The following HMBOX1 variants were observed in gnomAD, a reference collection of about 807,000 sequenced individuals.
HMBOX1 encodes homeobox-containing protein 1.
A neutral mutation model predicts 54.5 loss-of-function variants in HMBOX1; 14 were observed. That is an observed-to-expected ratio of 0.26 (90% CI 0.17 to 0.40). The LOEUF (loss-of-function observed/expected upper bound fraction) is 0.40. Among genes scored for constraint, HMBOX1 ranks in the 10% least tolerant of loss-of-function variants. The pLI, the probability that HMBOX1 is intolerant of heterozygous loss-of-function variation, is 1.00. For synonymous variants in HMBOX1, 160 were observed against 181.0 expected, an observed-to-expected ratio of 0.88 and a Z score of 0.93; for missense variants, 332 against 514.4, an observed-to-expected ratio of 0.65 and a Z score of 3.43.
At chr8:28,971,029 C>T (rs909128837) in intron 3 of HMBOX1, among the ~76,000 whole-genome samples, 2 of 134,670 alleles carry the variant, frequency 1.5e-5, no homozygotes, top group Non-Finnish European at 3.2e-5. Context: ...CACACACACA[C>T]ATTGTCTTTT....
chr8:28,905,892 T>G (rs1814230695), intron 1 of HMBOX1, among the ~76,000 whole-genome samples: 1 of 152,246 alleles, frequency 6.6e-6, no homozygotes, highest in South Asian at 2.1e-4. Context: ...CAATTTTCAC[T>G]AAAGACTTGA....
intron 1 of HMBOX1, among the ~76,000 whole-genome samples, chr8:28,895,815 A>G (rs1811994477): frequency 6.6e-6 from 1 of 152,164 alleles, no homozygotes; most frequent in Admixed American, 6.5e-5. Flanking sequence ...CGTATTTTGT[A>G]TACATTTCTT....
chr8:28,952,575 A>G (rs1823669629), intron 1 of HMBOX1, among the ~76,000 whole-genome samples: 1 of 152,194 alleles, frequency 6.6e-6, no homozygotes, highest in Non-Finnish European at 1.5e-5. Context: ...TGCAAAGATT[A>G]TGCTGATTTT....
At chr8:28,992,182 T>A (rs894819876) in intron 4 of HMBOX1, among the ~76,000 whole-genome samples, 3 of 152,318 alleles carry the variant, frequency 2.0e-5, no homozygotes, top group South Asian at 2.1e-4. Flanking sequence ...TTACTTATTA[T>A]GTAACTTTGG....
chr8:28,960,102 C>G (rs1825197241), intron 1 of HMBOX1, among the ~76,000 whole-genome samples: 1 of 151,722 alleles, frequency 6.6e-6, no homozygotes, highest in South Asian at 2.1e-4. Flanking sequence ...CCTTCTGTAG[C>G]TTCATTTTAT....
chr8:28,975,166 A>G (rs1586209177), intron 3 of HMBOX1, among the ~76,000 whole-genome samples: 1 of 152,214 alleles, frequency 6.6e-6, no homozygotes, highest in East Asian at 1.9e-4. Context: ...AAGCTCTATT[A>G]TATGCAAACC....
At chr8:28,931,625 T>C (rs2131905444) in intron 1 of HMBOX1, among the ~76,000 whole-genome samples, 1 of 152,202 alleles carries the variant, frequency 6.6e-6, no homozygotes. Context: ...CACTGCAGCC[T>C]CTACCTCCCA....
intron 1 of HMBOX1, among the ~76,000 whole-genome samples, chr8:28,960,780 T>G (rs7836924): frequency 0.19 from 7,984 of 43,156 alleles, 210 homozygotes; most frequent in Non-Finnish European, 0.21. Context: ...TTTTTTTTTT[T>G]TTTTTTTTTT....
intron 1 of HMBOX1, among the ~76,000 whole-genome samples, chr8:28,927,085 A>T (rs1006528449): frequency 5.3e-5 from 8 of 152,194 alleles, no homozygotes; most frequent in African/African-American, 1.9e-4. Flanking sequence ...GCACAACAGG[A>T]TGGCTATAGT....
chr8:28,976,402 G>C (rs1423996017), intron 3 of HMBOX1, among the ~76,000 whole-genome samples: 5 of 152,078 alleles, frequency 3.3e-5, no homozygotes, highest in African/African-American at 1.2e-4. Flanking sequence ...GCTTTTTGTT[G>C]TTGTTGTTGT....
In HMBOX1 at chr8:28,971,083, C is replaced by G. The variant is rs112577181; in HGVS notation, c.500+564C>G. Among the ~76,000 whole-genome samples, 635 of 117,310 alleles carry G rather than the reference C, an allele frequency of 5.4e-3. 4 individuals are homozygous for G. The highest frequency in any genetic ancestry group is 0.018 in the African/African-American group (563 of 31,158). The allele number at this position is 117,310 out of a possible 152,430, so 77.0% of individuals were successfully genotyped here. A position where few individuals can be genotyped will look rare whatever the true frequency, so the allele number is the denominator to read the frequency against. Reference sequence around the variant, plus strand: ...AGTTTTAAACACTGAGAAAAGAAATCTACTTTTTTTTTTTTTTTTTTTTTT... The same window carrying G: ...AGTTTTAAACACTGAGAAAAGAAATGTACTTTTTTTTTTTTTTTTTTTTTT... On this transcript the variant is annotated intron_variant, in intron 3 of 9. Transcript: ENST00000287701.
intron 4 of HMBOX1, among the ~76,000 whole-genome samples, chr8:28,982,712 G>A (rs12548545): frequency 0.41 from 61,616 of 151,366 alleles, 13,685 homozygotes; most frequent in Admixed American, 0.5. Context: ...TGCAACCTCC[G>A]CCTCCTGGGT....
intron 1 of HMBOX1, chr8:28,915,681 C>A (rs936225406): frequency 6.6e-6 from 1 of 151,886 alleles, no homozygotes; most frequent in Non-Finnish European, 1.5e-5. Flanking sequence ...GGCTGGATCA[C>A]CCCTCCTTGG....
At chr8:28,917,412 T>C (rs953679336) in intron 1 of HMBOX1, among the ~76,000 whole-genome samples, 25 of 152,222 alleles carry the variant, frequency 1.6e-4, no homozygotes, top group African/African-American at 5.1e-4. Context: ...TTGTATCTTA[T>C]AGCCTTGATA....
chr8:28,926,296 T>TAC (rs1307884041), intron 1 of HMBOX1, among the ~76,000 whole-genome samples: 2 of 140,326 alleles, frequency 1.4e-5, no homozygotes, highest in African/African-American at 5.7e-5. Context: ...TATATATATA[T>TAC]ATATATATAC....
intron 1 of HMBOX1, among the ~76,000 whole-genome samples, chr8:28,962,585 T>C (rs1395416705): frequency 6.6e-6 from 1 of 152,284 alleles, no homozygotes; most frequent in African/African-American, 2.4e-5. Flanking sequence ...AACACAAGCC[T>C]ACTAATTCCC....
chr8:28,903,451 C>A (rs1224984208), intron 1 of HMBOX1, among the ~76,000 whole-genome samples: 1 of 152,204 alleles, frequency 6.6e-6, no homozygotes, highest in Non-Finnish European at 1.5e-5. Context: ...CTCCTCGTGC[C>A]ACTATTCCAA....
Position 29,049,024 on chromosome 8 carries a change from C to G in HMBOX1, c.1101C>G (p.Val367=). Reference sequence around the variant, plus strand: ...GAGGCCACTCAAACAGTGATGATGTCGACGGGAATGACTACTCTGAGCAGG... The same window carrying G: ...GAGGCCACTCAAACAGTGATGATGTGGACGGGAATGACTACTCTGAGCAGG... The part of the protein sequence containing the change: ...SPGGHSNSDD[V]DGNDYSEQDD... The change falls in exon 9 of 10, where the codon GTC becomes GTG. Residue 367 remains valine (V), a synonymous_variant. Coordinates refer to ENST00000287701, the MANE Select transcript of HMBOX1 (RefSeq NM_001135726.3). 6.8e-6 allele frequency: 11 copies of G among 1,613,698 alleles called. No homozygotes were observed. The highest frequency in any genetic ancestry group is 9.3e-6 in the Non-Finnish European group (11 of 1,179,862).
chr8:29,008,179 A>G (rs1294470224), intron 4 of HMBOX1, among the ~76,000 whole-genome samples: 2 of 152,172 alleles, frequency 1.3e-5, no homozygotes, highest in Non-Finnish European at 2.9e-5. Flanking sequence ...GTGGACTTAC[A>G]AGACAGTTTT....
Sources: gnomAD v4.1 joint callset for allele counts (sites outside exome capture counted in the v4.1 genomes callset) on GRCh38, gnomAD v4.1.1 for gene constraint, MANE v1.5 for transcripts, NCBI Gene and HGNC (gene_info 2026-07-23, HGNC 2026-07-21) for gene names.